Variants in CFAP299 observed in about 807,000 individuals in gnomAD.
CFAP299 encodes cilia- and flagella-associated protein 299.
CFAP299 carries 21 observed loss-of-function variants against 27.0 expected under a neutral mutation model. The ratio of observed to expected loss-of-function variants is 0.78; its 90% CI spans 0.55 to 1.12. The LOEUF is 1.12. CFAP299 is among the 50% of genes most tolerant of loss of function. The probability of loss-of-function intolerance (pLI) is 0.00; values close to 1 mark genes in which losing one functional copy is unlikely to be tolerated. For synonymous variants in CFAP299, 104 were observed against 98.1 expected (o/e 1.06, Z -0.36); for missense variants, 310 against 276.6 (o/e 1.12, Z -0.86).
chr4:80,413,588 T>C (rs1460187348), intron 2 of CFAP299, among the ~76,000 whole-genome samples: 1 of 152,128 alleles, frequency 6.6e-6, no homozygotes, highest in African/African-American at 2.4e-5. Context: ...AGAGAGTGGA[T>C]GTATTAGCAA....
intron 3 of CFAP299, among the ~76,000 whole-genome samples, chr4:80,588,967 T>C (rs946073080): frequency 8.5e-5 from 13 of 152,168 alleles, no homozygotes; most frequent in Non-Finnish European, 1.6e-4. Flanking sequence ...AGTGAGTGAC[T>C]TAAATTCAAA....
chr4:80,562,144 A>T (rs898738730), intron 2 of CFAP299, among the ~76,000 whole-genome samples: 3 of 152,176 alleles, frequency 2.0e-5, no homozygotes, highest in South Asian at 2.1e-4. Flanking sequence ...AACCTACAAC[A>T]GATACACAGA....
intron 1 of CFAP299, among the ~76,000 whole-genome samples, chr4:80,338,318 T>A (rs1722263909): frequency 6.6e-6 from 1 of 152,202 alleles, no homozygotes; most frequent in Admixed American, 6.5e-5. Context: ...AAATCTATTT[T>A]CTTGACATTT....
At chr4:80,920,900 T>C (rs1736009474) in intron 4 of CFAP299, among the ~76,000 whole-genome samples, 1 of 152,152 alleles carries the variant, frequency 6.6e-6, no homozygotes, top group Non-Finnish European at 1.5e-5. Context: ...ATTCTCTTAT[T>C]CAGGGTTACT....
At chr4:80,826,896 T>G (rs1730017354) in intron 3 of CFAP299, among the ~76,000 whole-genome samples, 1 of 151,882 alleles carries the variant, frequency 6.6e-6, no homozygotes, top group South Asian at 2.1e-4. Flanking sequence ...CATGAATAAT[T>G]GAAGGAAGAC....
chr4:80,763,424 A>C (rs1725652566), intron 3 of CFAP299, among the ~76,000 whole-genome samples: 1 of 152,220 alleles, frequency 6.6e-6, no homozygotes, highest in Non-Finnish European at 1.5e-5. Flanking sequence ...TTCAAGGACA[A>C]CTACAAACCA....
At chr4:80,709,544 C>G (rs1159185825) in intron 3 of CFAP299, among the ~76,000 whole-genome samples, 2 of 152,138 alleles carry the variant, frequency 1.3e-5, no homozygotes. Context: ...CACCTACCCC[C>G]TTAGGAGTTC....
At chr4:80,322,010 A>G in the CFAP299 span, among the ~76,000 whole-genome samples, 3 of 152,154 alleles carry the variant, frequency 2.0e-5, no homozygotes, top group Non-Finnish European at 4.4e-5. Context: ...CTGATACCCA[A>G]GGAGATGGGG....
intron 1 of CFAP299, among the ~76,000 whole-genome samples, chr4:80,352,110 T>C (rs1723043058): frequency 6.6e-6 from 1 of 152,108 alleles, no homozygotes; most frequent in Non-Finnish European, 1.5e-5. Context: ...ATCAATACAT[T>C]AGCTTACATG....
intron 3 of CFAP299, among the ~76,000 whole-genome samples, chr4:80,689,503 G>A (rs1720495975): frequency 1.3e-5 from 2 of 152,154 alleles, no homozygotes; most frequent in African/African-American, 2.4e-5. Context: ...GAGAGATTTT[G>A]TCACCACCAG....
intron 3 of CFAP299, among the ~76,000 whole-genome samples, chr4:80,683,553 A>G (rs1439349858): frequency 6.6e-6 from 1 of 152,194 alleles, no homozygotes; most frequent in African/African-American, 2.4e-5. Context: ...CAAATTTAAT[A>G]AAATATCTCT....
chr4:80,860,642 T>G (rs1418191055), intron 3 of CFAP299, among the ~76,000 whole-genome samples: 1 of 152,236 alleles, frequency 6.6e-6, no homozygotes, highest in Non-Finnish European at 1.5e-5. Flanking sequence ...AACCTTCAGC[T>G]GCAGGTCTGT....
chr4:80,675,887 T>A (rs1455053421), intron 3 of CFAP299, among the ~76,000 whole-genome samples: 2 of 152,206 alleles, frequency 1.3e-5, no homozygotes, highest in Admixed American at 1.3e-4. Context: ...TTTGCTATGA[T>A]CATTGGAAAA....
intron 1 of CFAP299, among the ~76,000 whole-genome samples, chr4:80,346,465 A>C (rs1449439328): frequency 6.6e-6 from 1 of 152,216 alleles, no homozygotes; most frequent in African/African-American, 2.4e-5. Context: ...GGTGTAAGGA[A>C]GGGATCCAGT....
At chr4:80,387,200 T>G in intron 2 of CFAP299, 1 of 1,371,554 alleles carries the variant, frequency 7.3e-7, no homozygotes, top group Non-Finnish European at 1.0e-6. Flanking sequence ...GGAGTACTGG[T>G]GCACGCTCAG....
Position 80,387,099 on chromosome 4 carries a change from A to G in CFAP299, c.242+24215A>G, listed in dbSNP as rs555127856. 42 of 1,443,762 alleles carry G rather than the reference A, an allele frequency of 2.9e-5. No individual in the cohort carries two copies. The South Asian group carries it at 3.4e-4, about 12-fold the overall frequency. The allele number at this position is 1,443,762 out of a possible 1,614,324, so 89.4% of individuals were successfully genotyped here. A position where few individuals can be genotyped will look rare whatever the true frequency, so the allele number is the denominator to read the frequency against. On this transcript the variant is annotated intron_variant, in intron 2 of 5. Coordinates refer to ENST00000358105, the MANE Select transcript of CFAP299 (RefSeq NM_152770.3). ...AGTGGCGGTCTGCAGGTGATGCTCCAGGGCCTCTGGGGTGGATATTTGTTG... is the reference window on the plus strand; with the variant it reads ...AGTGGCGGTCTGCAGGTGATGCTCCGGGGCCTCTGGGGTGGATATTTGTTG...
At chr4:80,418,385 T>C (rs111823192) in intron 2 of CFAP299, among the ~76,000 whole-genome samples, 2 of 152,226 alleles carry the variant, frequency 1.3e-5, no homozygotes, top group African/African-American at 4.8e-5. Context: ...ATGACAGTTG[T>C]ATATATTTAT....
At chr4:80,953,507 C>T (rs1737890712) in intron 5 of CFAP299, among the ~76,000 whole-genome samples, 1 of 152,076 alleles carries the variant, frequency 6.6e-6, no homozygotes, top group South Asian at 2.1e-4. Context: ...AAATCAATGG[C>T]CTTGAGGAAT....
chr4:80,598,110 T>C (rs973382350), intron 3 of CFAP299, among the ~76,000 whole-genome samples: 4 of 152,234 alleles, frequency 2.6e-5, no homozygotes, highest in Admixed American at 2.6e-4. Flanking sequence ...TGAGTTGAAG[T>C]TAAAAGTTTA....
Sources: allele counts gnomAD v4.1 joint callset (sites outside exome capture counted in the v4.1 genomes callset), GRCh38; gene constraint gnomAD v4.1.1; transcripts MANE v1.5; gene names NCBI Gene and HGNC (gene_info 2026-07-23, HGNC 2026-07-21).